FAXDC2: variants seen among roughly 807,000 people sequenced by gnomAD.
The protein encoded by FAXDC2 is fatty acid hydroxylase domain-containing protein 2.
In FAXDC2, 41 loss-of-function variants were observed where a neutral mutation model predicts 40.9. The observed-to-expected ratio is 1.00, with a 90% CI of 0.78 to 1.30. The LOEUF (loss-of-function observed/expected upper bound fraction) is 1.30. Ranked by LOEUF, FAXDC2 falls within the 50% of genes most tolerant of loss-of-function variation. FAXDC2 has a pLI of 0.00. For missense variants in FAXDC2, 390 were observed against 408.8 expected (o/e 0.95, Z 0.40); for synonymous variants, 157 against 149.3 (o/e 1.05, Z -0.38).
intron 4 of FAXDC2, among the ~76,000 whole-genome samples, chr5:154,832,456 C>T (rs1320214892): frequency 6.6e-6 from 1 of 152,182 alleles, no homozygotes; most frequent in Non-Finnish European, 1.5e-5. Context: ...CTGCCTCGGC[C>T]TCCCAAAGTG....
chr5:154,830,050 G>A (rs1034432772), intron 5 of FAXDC2, among the ~76,000 whole-genome samples: 2 of 152,200 alleles, frequency 1.3e-5, no homozygotes, highest in African/African-American at 4.8e-5. Context: ...GAGAGCTGAG[G>A]TGGTTCACCC....
intron 1 of FAXDC2, among the ~76,000 whole-genome samples, chr5:154,839,995 T>A (rs1334654933): frequency 3.3e-5 from 5 of 152,040 alleles, no homozygotes; most frequent in African/African-American, 7.2e-5. Flanking sequence ...GCACTACAGA[T>A]CATCTGGTCC....
intron 5 of FAXDC2, among the ~76,000 whole-genome samples, chr5:154,826,393 G>A (rs1760036837): frequency 1.3e-5 from 2 of 152,052 alleles, no homozygotes; most frequent in South Asian, 4.1e-4. Flanking sequence ...GCTGGGCATG[G>A]TGGCAGGTGC....
rs915362885 is a variant in FAXDC2 at position 154,849,026 on chromosome 5, T to C, written c.-1+1457A>G. 2.7e-5 allele frequency among the ~76,000 whole-genome samples: 4 copies of C among 149,476 alleles called. No homozygotes were observed. The East Asian group carries it at 5.9e-4, about 22-fold the overall frequency. On this transcript the variant is annotated intron_variant, in intron 1 of 8. Transcript: ENST00000326080. ...TGGGCACGTTGGCTTATGCCTGTAA[T>C]CTCATAACTTTGGGAGGCCGAGGTG... is the stretch of plus-strand genomic sequence containing the variant.
Position 154,835,726 on chromosome 5 carries a change from G to A in FAXDC2, c.49-792C>T, listed in dbSNP as rs909254470. On this transcript the variant is annotated intron_variant, in intron 2 of 8. Transcript: ENST00000326080. ...CTCTGGAGTAGCTGGGACTACAGGA[G>A]CCCGCCACCACACCCGGCTAATTTT... Among the ~76,000 whole-genome samples the A allele has an allele frequency of 3.3e-5, 5 of 150,738 alleles. No homozygotes were observed. The East Asian group carries it at 9.9e-4, about 30-fold the overall frequency.
chr5:154,830,956 T>G, intron 4 of FAXDC2, 34 bp from the exon 5 acceptor site: 3 of 1,610,966 alleles, frequency 1.9e-6, no homozygotes, highest in Non-Finnish European at 1.7e-6. Context: ...TCAGGGCGAC[T>G]TTGGGTTCTC....
chr5:154,843,560 T>C (rs916132233), intron 1 of FAXDC2, among the ~76,000 whole-genome samples: 1 of 152,218 alleles, frequency 6.6e-6, no homozygotes, highest in Non-Finnish European at 1.5e-5. Context: ...GAAATCTCTA[T>C]AGGAAGACAA....
At chr5:154,838,068 A>G (rs1273287827) in intron 2 of FAXDC2, 63 bp downstream of exon 2, 1 of 1,066,924 alleles carries the variant, frequency 9.4e-7, no homozygotes, top group Non-Finnish European at 1.5e-6. Flanking sequence ...TAGCAAGTGC[A>G]GCTATGGCAA....
chr5:154,843,085 G>A (rs1019495328), intron 1 of FAXDC2, among the ~76,000 whole-genome samples: 4 of 152,234 alleles, frequency 2.6e-5, no homozygotes, highest in Non-Finnish European at 5.9e-5. Context: ...CTTCACGTTA[G>A]TGTGGATTTC....
intron 4 of FAXDC2, among the ~76,000 whole-genome samples, chr5:154,832,903 C>T (rs1760228352): frequency 6.6e-6 from 1 of 152,188 alleles, no homozygotes; most frequent in Non-Finnish European, 1.5e-5. Flanking sequence ...ATGTTCAGCC[C>T]ATTGTCAGAG....
intron 1 of FAXDC2, among the ~76,000 whole-genome samples, chr5:154,842,670 G>A (rs967165732): frequency 1.4e-5 from 2 of 147,164 alleles, no homozygotes; most frequent in Non-Finnish European, 3.0e-5. Flanking sequence ...TTACAGGCAC[G>A]CACCACCATG....
intron 5 of FAXDC2, among the ~76,000 whole-genome samples, chr5:154,828,758 G>A (rs999067328): frequency 2.6e-5 from 4 of 150,992 alleles, no homozygotes; most frequent in African/African-American, 9.8e-5. Context: ...CACTGTGCCC[G>A]GCTAATTAAA....
chr5:154,834,784 C>G (rs1490822072), intron 3 of FAXDC2, 56 bp from the exon 4 acceptor site: 1 of 1,592,292 alleles, frequency 6.3e-7, no homozygotes, highest in Non-Finnish European at 8.6e-7. Context: ...AGCTCCTTCC[C>G]CTATGCTCTG....
rs138658388 is a variant in FAXDC2 at position 154,827,603 on chromosome 5, G to A, written c.366+3198C>T. Among the ~76,000 whole-genome samples the A allele has an allele frequency of 5.0e-3, 766 of 152,014 alleles. 5 individuals carry two copies. Among genetic ancestry groups the A allele is most frequent in the African/African-American group, 0.011 (474 of 41,464 alleles). Reference sequence around the variant, plus strand: ...TTAGGTGAGGCCATTACACCTAACCGTAGCTTACTGCAGCCTCAACCTCCT... The same window carrying A: ...TTAGGTGAGGCCATTACACCTAACCATAGCTTACTGCAGCCTCAACCTCCT... On this transcript the variant is annotated intron_variant, in intron 5 of 8. Transcript: ENST00000326080.
chr5:154,848,461 G>A (rs975435956), intron 1 of FAXDC2, among the ~76,000 whole-genome samples: 6 of 152,198 alleles, frequency 3.9e-5, no homozygotes, highest in African/African-American at 1.4e-4. Context: ...CTGACCCAAA[G>A]ATTAGAACTC....
rs767934081 is a variant in FAXDC2, at chr5:154,821,273, A to T, written c.832T>A (p.Tyr278Asn). The T allele has an allele frequency of 1.1e-5, 17 of 1,612,018 alleles. No homozygotes were observed. In the Admixed American group the frequency reaches 1.5e-4, roughly 14 times the overall value. ...PFLPSPEFHDYHHLKFNQCYG... is the reference protein window; with the variant it reads ...PFLPSPEFHDNHHLKFNQCYG... ...GAAGGTCCTTACTTGAGATGGTGGT[A>T]GTCGTGGAATTCAGGCGAAGGCAGG... is the stretch of plus-strand genomic sequence containing the variant. The change falls in exon 8 of 9, where the codon TAC becomes AAC. Residue 278 changes from tyrosine to asparagine, a missense_variant. By Grantham distance (143) the Tyr-to-Asn change is moderately radical. Coordinates refer to ENST00000326080, the MANE Select transcript of FAXDC2 (RefSeq NM_032385.5).
At chr5:154,839,486 A>T (rs1213147640) in intron 1 of FAXDC2, among the ~76,000 whole-genome samples, 5 of 149,304 alleles carry the variant, frequency 3.3e-5, no homozygotes, top group African/African-American at 1.3e-4. Flanking sequence ...TCTACAAAAA[A>T]TAAAAAAAAA....
At chr5:154,825,661 A>AAAAAAAAAAAAAAAAAAAAAAAC (rs1337636354) in intron 5 of FAXDC2, among the ~76,000 whole-genome samples, 1 of 146,716 alleles carries the variant, frequency 6.8e-6, no homozygotes, top group Non-Finnish European at 1.5e-5. Context: ...AAAAAAAAAA[A>AAAAAAAAAAAAAAAAAAAAAAAC]AAAAAAAGCA....
intron 1 of FAXDC2, among the ~76,000 whole-genome samples, chr5:154,847,057 A>G (rs566403246): frequency 2.6e-5 from 4 of 151,916 alleles, no homozygotes; most frequent in East Asian, 1.9e-4. Context: ...TCAATCTTCT[A>G]TGCTCAGGTG....
Sources: gnomAD v4.1 joint callset for allele counts (sites outside exome capture counted in the v4.1 genomes callset) on GRCh38, gnomAD v4.1.1 for gene constraint, MANE v1.5 for transcripts, NCBI Gene and HGNC (gene_info 2026-07-23, HGNC 2026-07-21) for gene names.